The following KCNQ5 variants were observed in gnomAD, a reference collection of about 807,000 sequenced individuals.
KCNQ5 encodes potassium voltage-gated channel subfamily KQT member 5.
Under a neutral mutation model 98.2 loss-of-function variants are expected in KCNQ5, and 30 were observed. The ratio of observed to expected loss-of-function variants is 0.31; its 90% CI spans 0.23 to 0.41. The LOEUF is 0.41. KCNQ5 is among the 10% of genes least tolerant of loss of function. The probability of loss-of-function intolerance (pLI) is 1.00; values close to 1 mark genes in which losing one functional copy is unlikely to be tolerated. For missense variants in KCNQ5, 835 were observed against 1,182.5 expected, an observed-to-expected ratio of 0.71 and a Z score of 4.31; for synonymous variants, 458 against 449.4, an observed-to-expected ratio of 1.02 and a Z score of -0.24.
chr6:73,105,003 T>C (rs1774944016), intron 5 of KCNQ5, among the ~76,000 whole-genome samples: 1 of 152,230 alleles, frequency 6.6e-6, no homozygotes, highest in Non-Finnish European at 1.5e-5. Context: ...CTTACTTAAA[T>C]AATCTTTCCT....
intron 1 of KCNQ5, among the ~76,000 whole-genome samples, chr6:72,816,206 A>G (rs937252959): frequency 9.9e-5 from 15 of 152,172 alleles, no homozygotes; most frequent in African/African-American, 3.6e-4. Flanking sequence ...AGAGATGCTG[A>G]ATTTGATGAC....
At chr6:72,857,466 TG>T (rs1375029424) in intron 1 of KCNQ5, among the ~76,000 whole-genome samples, 1 of 152,210 alleles carries the variant, frequency 6.6e-6, no homozygotes, top group Non-Finnish European at 1.5e-5. Context: ...ATGCTTCTAA[TG>T]TCGGTATATT....
intron 2 of KCNQ5, among the ~76,000 whole-genome samples, chr6:73,023,461 A>G (rs1770704401): frequency 6.6e-6 from 1 of 152,036 alleles, no homozygotes; most frequent in South Asian, 2.1e-4. Context: ...AAAGAAGGGA[A>G]CTCGTGAGGT....
At chr6:73,102,534 A>G (rs1014572993) in intron 5 of KCNQ5, among the ~76,000 whole-genome samples, 1 of 152,224 alleles carries the variant, frequency 6.6e-6, no homozygotes, top group African/African-American at 2.4e-5. Flanking sequence ...AGCTCTCATG[A>G]CTGTATAAGA....
At chr6:72,830,614 C>G (rs970053785) in intron 1 of KCNQ5, among the ~76,000 whole-genome samples, 1 of 152,096 alleles carries the variant, frequency 6.6e-6, no homozygotes, top group African/African-American at 2.4e-5. Flanking sequence ...AATGTTAGAC[C>G]TAAAAACCAT....
intron 3 of KCNQ5, among the ~76,000 whole-genome samples, chr6:73,075,765 G>A (rs535254319): frequency 1.2e-4 from 19 of 152,150 alleles, no homozygotes; most frequent in South Asian, 4.2e-4. Context: ...CCTTCAGGGC[G>A]GACACCGGTG....
rs1766780962 is a variant in KCNQ5, at chr6:72,951,102, A to G, written c.399-52806A>G. ...GTTAAATCAACTTGAGTATTTTCAC[A>G]TGCAAAGGAAGTATTTGAACATGGA... On this transcript the variant is annotated intron_variant, in intron 1 of 13. Transcript: ENST00000370398. Among the ~76,000 whole-genome samples, 3 of 152,312 alleles carry G rather than the reference A, an allele frequency of 2.0e-5. No homozygotes were observed. The South Asian group carries it at 6.2e-4, about 32-fold the overall frequency.
At chr6:73,181,158 ACTT>A (rs947906990) in intron 11 of KCNQ5, among the ~76,000 whole-genome samples, 1 of 152,184 alleles carries the variant, frequency 6.6e-6, no homozygotes, top group African/African-American at 2.4e-5. Context: ...GTATGAGCAG[ACTT>A]CAGTTTCAAG....
chr6:72,835,185 T>C (rs759916096), intron 1 of KCNQ5, among the ~76,000 whole-genome samples: 1 of 152,090 alleles, frequency 6.6e-6, no homozygotes, highest in Non-Finnish European at 1.5e-5. Flanking sequence ...TCACTAACCA[T>C]AGTGGCTATT....
chr6:73,148,133 A>G (rs1776995924), intron 10 of KCNQ5, among the ~76,000 whole-genome samples: 1 of 152,166 alleles, frequency 6.6e-6, no homozygotes. Flanking sequence ...GACCTTATTA[A>G]TTGTTTTTGA....
intron 1 of KCNQ5, among the ~76,000 whole-genome samples, chr6:72,623,023 G>C (rs1409504342): frequency 6.6e-6 from 1 of 152,126 alleles, no homozygotes; most frequent in African/African-American, 2.4e-5. Flanking sequence ...GGGTAGGACG[G>C]GGAGAAGTGA....
At chr6:72,750,533 A>G (rs1582219906) in intron 1 of KCNQ5, among the ~76,000 whole-genome samples, 1 of 152,212 alleles carries the variant, frequency 6.6e-6, no homozygotes, top group South Asian at 2.1e-4. Context: ...GTAGAAAATT[A>G]ATGATCTTTT....
At chr6:73,069,062 G>C (rs1291336042) in intron 3 of KCNQ5, among the ~76,000 whole-genome samples, 1 of 151,894 alleles carries the variant, frequency 6.6e-6, no homozygotes, top group Non-Finnish European at 1.5e-5. Context: ...AGAATAAAAT[G>C]GTACCTTTCT....
chr6:72,737,132 T>A (rs971485707), intron 1 of KCNQ5, among the ~76,000 whole-genome samples: 7 of 152,146 alleles, frequency 4.6e-5, no homozygotes, highest in African/African-American at 1.7e-4. Context: ...GGCTAATTTC[T>A]ATATTTTTAG....
In KCNQ5 at chr6:73,181,051, A is replaced by G. The variant is rs963800452; in HGVS notation, c.1578-9522A>G. 3.9e-4 allele frequency among the ~76,000 whole-genome samples: 60 copies of G among 152,154 alleles called. 1 individual carries two copies. Among genetic ancestry groups the G allele is most frequent in the Admixed American group, 3.7e-3 (57 of 15,274 alleles). On this transcript the variant is annotated intron_variant, in intron 11 of 13. Transcript: ENST00000370398. ...ATGGCAGCACAACAAATGCACCTAC[A>G]TTTCCTTATAAGTGCACATGTGTTC...
chr6:72,719,769 TCA>T (rs1191270522), intron 1 of KCNQ5, among the ~76,000 whole-genome samples: 1 of 152,142 alleles, frequency 6.6e-6, no homozygotes, highest in East Asian at 1.9e-4. Context: ...CAGTGCAGTG[TCA>T]CTCTCTCAGC....
At chr6:72,953,888 C>T (rs1200411187) in intron 1 of KCNQ5, among the ~76,000 whole-genome samples, 1 of 152,142 alleles carries the variant, frequency 6.6e-6, no homozygotes. Flanking sequence ...GGAGACAGCA[C>T]AGCCAATATT....
rs1392034789 is a variant in KCNQ5 at position 72,622,926 on chromosome 6, G to T, written c.398+339G>T. On this transcript the variant is annotated intron_variant, in intron 1 of 13. Coordinates refer to ENST00000370398, the MANE Select transcript of KCNQ5 (RefSeq NM_019842.4). The surrounding 1 kb of genome is among the most constrained non-coding windows in gnomAD (Gnocchi z 6.0). Reference sequence around the variant, plus strand: ...AGATACGTAAACTTCAACCGAACGGGGCGCCCGGGAGCTAGGGAATGCAAA... The same window carrying T: ...AGATACGTAAACTTCAACCGAACGGTGCGCCCGGGAGCTAGGGAATGCAAA... 6.6e-6 allele frequency among the ~76,000 whole-genome samples: 1 copy of T among 152,130 alleles called. No individual in the cohort carries two copies. The highest frequency in any genetic ancestry group is 1.5e-5 in the Non-Finnish European group (1 of 68,024).
intron 1 of KCNQ5, among the ~76,000 whole-genome samples, chr6:72,842,101 C>A (rs1169864049): frequency 6.6e-6 from 1 of 152,100 alleles, no homozygotes; most frequent in East Asian, 1.9e-4. Flanking sequence ...CATCACGAAG[C>A]AAGGGTTCAG....
Sources: gnomAD v4.1 joint callset for allele counts (sites outside exome capture counted in the v4.1 genomes callset) on GRCh38, gnomAD v4.1.1 for gene constraint, Gnocchi (gnomAD v3.1) non-coding constraint, MANE v1.5 for transcripts, NCBI Gene and HGNC (gene_info 2026-07-23, HGNC 2026-07-21) for gene names.